Variants in XKR4 observed in about 807,000 individuals in gnomAD.
XKR4 encodes XK-related protein 4.
In XKR4, 12 loss-of-function variants were observed where a neutral mutation model predicts 53.9. The ratio of observed to expected loss-of-function variants is 0.22; its 90% CI spans 0.14 to 0.36. XKR4 has a LOEUF of 0.36. Among genes scored for constraint, XKR4 ranks in the 10% least tolerant of loss-of-function variants. The probability of loss-of-function intolerance (pLI) is 1.00; values close to 1 mark genes in which losing one functional copy is unlikely to be tolerated. For synonymous variants in XKR4, 354 were observed against 362.4 expected, an observed-to-expected ratio of 0.98 and a Z score of 0.26; for missense variants, 799 against 859.5, an observed-to-expected ratio of 0.93 and a Z score of 0.88.
chr8:55,230,855 C>T (rs936940020), intron 1 of XKR4, among the ~76,000 whole-genome samples: 3 of 152,154 alleles, frequency 2.0e-5, no homozygotes, highest in African/African-American at 7.2e-5. Context: ...ACAGAGATCC[C>T]GCCAAGCCAC....
chr8:55,453,251 G>C (rs1025354779), intron 2 of XKR4: 1 of 491,200 alleles, frequency 2.0e-6, no homozygotes, highest in East Asian at 6.2e-5. Context: ...CAGAGCAGCC[G>C]AGATGCCATG....
chr8:55,124,385 A>T (rs948059765), intron 1 of XKR4, among the ~76,000 whole-genome samples: 1 of 152,238 alleles, frequency 6.6e-6, no homozygotes, highest in East Asian at 1.9e-4. Context: ...AAGGCGGGAC[A>T]AAAGGAGCTG....
At chr8:55,209,203 A>ACGTG (rs1817692175) in intron 1 of XKR4, among the ~76,000 whole-genome samples, 1 of 149,216 alleles carries the variant, frequency 6.7e-6, no homozygotes, top group Non-Finnish European at 1.5e-5. Flanking sequence ...CAGTGTGTTT[A>ACGTG]TGTGTGTGTG....
rs555052388 is a variant in XKR4 at position 55,254,978 on chromosome 8, C to T, written c.807-102700C>T. On this transcript the variant is annotated intron_variant, in intron 1 of 2. Transcript: ENST00000327381. ...GCACGACAACCAAGCTGATGCTTTC[C>T]GGATGCTATGAAAGAATCAGCATTG... Among the ~76,000 whole-genome samples the T allele has an allele frequency of 9.2e-5, 14 of 152,308 alleles. No individual in the cohort carries two copies. The East Asian group carries it at 2.7e-3, about 29-fold the overall frequency.
chr8:55,239,608 A>C (rs1006801183), intron 1 of XKR4, among the ~76,000 whole-genome samples: 1 of 152,138 alleles, frequency 6.6e-6, no homozygotes, highest in African/African-American at 2.4e-5. Flanking sequence ...CAGCCTTTCT[A>C]TATAGACATT....
intron 1 of XKR4, among the ~76,000 whole-genome samples, chr8:55,218,207 A>G (rs1192588497): frequency 6.6e-6 from 1 of 152,260 alleles, no homozygotes; most frequent in Non-Finnish European, 1.5e-5. Context: ...TCTTACAGCT[A>G]TAAAAGCTGA....
chr8:55,279,368 C>T lies in XKR4; in HGVS notation c.807-78310C>T, dbSNP rs75569664. Among the ~76,000 whole-genome samples, 919 of 152,264 alleles carry T rather than the reference C, an allele frequency of 6.0e-3. 10 individuals carry two copies. The highest frequency in any genetic ancestry group is 0.01 in the Non-Finnish European group (685 of 68,022). ...CCACCCACAGTGTATCTGTAAATTC[C>T]CAAATGATGCTGAGGTGGGAGCACT... On this transcript the variant is annotated intron_variant, in intron 1 of 2. Transcript: ENST00000327381.
chr8:55,522,634 A>G (rs1263729732), intron 2 of XKR4, among the ~76,000 whole-genome samples: 6 of 152,178 alleles, frequency 3.9e-5, no homozygotes. Flanking sequence ...GGAGCTTTGG[A>G]GATCACACAC....
rs550288516 is a variant in XKR4, at chr8:55,530,622, T to C, written c.*6395T>C. The C allele has an allele frequency of 1.3e-5, 2 of 152,314 alleles. No individual in the cohort carries two copies. Among genetic ancestry groups the C allele is most frequent in the South Asian group, 4.1e-4 (2 of 4,822 alleles). The allele number at this position is 152,314 out of a possible 1,614,324, so 9.4% of individuals were successfully genotyped here. The stretch of plus-strand genomic sequence containing the variant: ...AAAATTTTCTCAACCCTGGTGTTTA[T>C]TTTTAAAAAATCTTCAATGATCAAT... On this transcript the variant is annotated 3_prime_UTR_variant, in exon 3 of 3. Transcript: ENST00000327381.
intron 1 of XKR4, among the ~76,000 whole-genome samples, chr8:55,139,235 T>G (rs1458030373): frequency 6.6e-6 from 1 of 152,070 alleles, no homozygotes; most frequent in African/African-American, 2.4e-5. Flanking sequence ...AATAAGGAAA[T>G]GTAAGAAGTG....
intron 2 of XKR4, among the ~76,000 whole-genome samples, chr8:55,361,965 C>T (rs1194851787): frequency 1.3e-5 from 2 of 152,156 alleles, no homozygotes; most frequent in Admixed American, 1.3e-4. Context: ...TTAGTATTTC[C>T]TCAAGGTGTC....
intron 1 of XKR4, among the ~76,000 whole-genome samples, chr8:55,336,041 C>CAAAA (rs34885296): frequency 5.3e-5 from 6 of 113,698 alleles, no homozygotes; most frequent in African/African-American, 1.3e-4. Flanking sequence ...AACTCTATAC[C>CAAAA]AAAAAAAAAA....
At chr8:55,391,316 C>T (rs1205982714) in intron 2 of XKR4, among the ~76,000 whole-genome samples, 1 of 152,174 alleles carries the variant, frequency 6.6e-6, no homozygotes, top group Non-Finnish European at 1.5e-5. Flanking sequence ...CAAGTTTATT[C>T]ATTGTAGCTT....
At chr8:55,234,922 C>A (rs1017819489) in intron 1 of XKR4, among the ~76,000 whole-genome samples, 1 of 152,156 alleles carries the variant, frequency 6.6e-6, no homozygotes, top group Non-Finnish European at 1.5e-5. Flanking sequence ...GCCTTTAATA[C>A]CTGTGTGTTC....
At chr8:55,389,873 T>G (rs1046589760) in intron 2 of XKR4, among the ~76,000 whole-genome samples, 1 of 152,218 alleles carries the variant, frequency 6.6e-6, no homozygotes, top group Non-Finnish European at 1.5e-5. Flanking sequence ...AGGTTCCTAG[T>G]GCCTACTGGA....
chr8:55,214,038 T>C (rs945996389), intron 1 of XKR4, among the ~76,000 whole-genome samples: 26 of 152,010 alleles, frequency 1.7e-4, no homozygotes, highest in African/African-American at 6.3e-4. Flanking sequence ...ATTTTTGTAT[T>C]TTCAGTAGAG....
chr8:55,156,502 T>C (rs1254764837), intron 1 of XKR4, among the ~76,000 whole-genome samples: 2 of 152,024 alleles, frequency 1.3e-5, no homozygotes, highest in African/African-American at 2.4e-5. Context: ...TGTTCACTAA[T>C]AGTTCATTCT....
At chr8:55,464,150 A>G (rs1805715631) in intron 2 of XKR4, among the ~76,000 whole-genome samples, 1 of 152,188 alleles carries the variant, frequency 6.6e-6, no homozygotes, top group Admixed American at 6.5e-5. Context: ...TCCTGATACC[A>G]AAGCCTGGCA....
chr8:55,311,217 C>T (rs557277457), intron 1 of XKR4, among the ~76,000 whole-genome samples: 56 of 152,340 alleles, frequency 3.7e-4, no homozygotes, highest in Admixed American at 3.7e-3. Context: ...CATATGCAAG[C>T]TCTCAGAGCC....
Sources: allele counts gnomAD v4.1 joint callset (sites outside exome capture counted in the v4.1 genomes callset), GRCh38; gene constraint gnomAD v4.1.1; transcripts MANE v1.5; gene names NCBI Gene and HGNC (gene_info 2026-07-23, HGNC 2026-07-21).